SCAMP1: variants seen among roughly 807,000 people sequenced by gnomAD.
SCAMP1 encodes secretory carrier-associated membrane protein 1.
In SCAMP1, 15 loss-of-function variants were observed where a neutral mutation model predicts 41.8. The observed-to-expected ratio is 0.36, with a 90% confidence interval of 0.24 to 0.55. The LOEUF is 0.55. Ranked by LOEUF, SCAMP1 falls within the 20% of genes least tolerant of loss-of-function variation. The pLI is 0.86. For synonymous variants in SCAMP1, 135 were observed against 136.8 expected (o/e 0.99, Z 0.09); for missense variants, 341 against 412.6 (o/e 0.83, Z 1.50).
chr5:78,448,463 G>C (rs1753126079), intron 6 of SCAMP1, among the ~76,000 whole-genome samples: 1 of 151,820 alleles, frequency 6.6e-6, no homozygotes, highest in Admixed American at 6.6e-5. Context: ...AACGATAAAG[G>C]AAAAAGCAAT....
chr5:78,458,794 C>G (rs542976685), intron 7 of SCAMP1, among the ~76,000 whole-genome samples: 1 of 152,070 alleles, frequency 6.6e-6, no homozygotes, highest in African/African-American at 2.4e-5. Context: ...GTAGGAGAAT[C>G]GCTTGAACCC....
intron 2 of SCAMP1, among the ~76,000 whole-genome samples, chr5:78,397,184 A>C (rs1751673951): frequency 6.6e-6 from 1 of 152,226 alleles, no homozygotes. Context: ...TAAACACTTA[A>C]ATTTATGATC....
chr5:78,466,618 T>C (rs1229757558), intron 8 of SCAMP1, among the ~76,000 whole-genome samples: 1 of 152,128 alleles, frequency 6.6e-6, no homozygotes, highest in Non-Finnish European at 1.5e-5. Context: ...GTTGTTGGTA[T>C]TGGAAGATGA....
At chr5:78,427,421 G>C (rs1752494853) in intron 6 of SCAMP1, among the ~76,000 whole-genome samples, 1 of 152,044 alleles carries the variant, frequency 6.6e-6, no homozygotes, top group Non-Finnish European at 1.5e-5. Flanking sequence ...CTCCAACATT[G>C]GGAATCAGAT....
At chr5:78,461,793 G>C (rs1309850600) in intron 8 of SCAMP1, among the ~76,000 whole-genome samples, 1 of 151,948 alleles carries the variant, frequency 6.6e-6, no homozygotes, top group Non-Finnish European at 1.5e-5. Flanking sequence ...CTAACTCCTG[G>C]CCTCAAGTGA....
intron 2 of SCAMP1, among the ~76,000 whole-genome samples, chr5:78,401,631 T>C (rs1271361967): frequency 1.3e-5 from 2 of 152,176 alleles, no homozygotes; most frequent in Non-Finnish European, 2.9e-5. Context: ...TTATTTATAG[T>C]ATGTCTTGGT....
intron 6 of SCAMP1, among the ~76,000 whole-genome samples, chr5:78,422,387 C>A (rs1752359418): frequency 1.3e-5 from 2 of 151,612 alleles, no homozygotes; most frequent in African/African-American, 4.8e-5. Flanking sequence ...GCCATTTGCA[C>A]CTAGCAACTT....
At chr5:78,457,355 G>A (rs1206272483) in intron 7 of SCAMP1, among the ~76,000 whole-genome samples, 1 of 152,018 alleles carries the variant, frequency 6.6e-6, no homozygotes, top group Non-Finnish European at 1.5e-5. Flanking sequence ...ATGTACAGAT[G>A]GGTTTTTGGT....
intron 1 of SCAMP1, among the ~76,000 whole-genome samples, chr5:78,384,395 A>G (rs1751290985): frequency 6.6e-6 from 1 of 152,126 alleles, no homozygotes; most frequent in African/African-American, 2.4e-5. Flanking sequence ...TCATGTCATC[A>G]GCAAACAGCA....
intron 2 of SCAMP1, among the ~76,000 whole-genome samples, chr5:78,398,545 T>A (rs1370641000): frequency 0.07 from 3,267 of 46,656 alleles, 217 homozygotes; most frequent in African/African-American, 0.19. Context: ...TTCACTATTT[T>A]TTTTTTTTTT....
intron 7 of SCAMP1, among the ~76,000 whole-genome samples, chr5:78,452,595 A>T (rs979082057): frequency 3.4e-5 from 5 of 149,024 alleles, no homozygotes; most frequent in African/African-American, 2.5e-5. Context: ...TCATTGTTGG[A>T]CATTTGGGTT....
At chr5:78,384,633 A>G (rs976699889) in intron 1 of SCAMP1, among the ~76,000 whole-genome samples, 1 of 151,934 alleles carries the variant, frequency 6.6e-6, no homozygotes, top group African/African-American at 2.4e-5. Context: ...TGTCCCTTTT[A>G]TGCCGATTTT....
At chr5:78,446,696 AT>A (rs1430813097) in intron 6 of SCAMP1, among the ~76,000 whole-genome samples, 1 of 152,164 alleles carries the variant, frequency 6.6e-6, no homozygotes, top group Non-Finnish European at 1.5e-5. Context: ...AGCATTTTAT[AT>A]TGTAGATTTT....
intron 7 of SCAMP1, among the ~76,000 whole-genome samples, chr5:78,458,383 G>A (rs898750011): frequency 9.9e-5 from 15 of 152,020 alleles, no homozygotes; most frequent in African/African-American, 3.1e-4. Flanking sequence ...TCTCATTGTG[G>A]TTTTGAACAT....
chr5:78,399,621 A>G (rs537606779), intron 2 of SCAMP1, among the ~76,000 whole-genome samples: 4 of 152,110 alleles, frequency 2.6e-5, no homozygotes, highest in African/African-American at 7.2e-5. Context: ...TCTTTTATGA[A>G]GTTTCTGTTA....
intron 2 of SCAMP1, among the ~76,000 whole-genome samples, chr5:78,398,508 G>GCATAAGT (rs1751713423): frequency 6.8e-6 from 1 of 147,908 alleles, no homozygotes; most frequent in Non-Finnish European, 1.5e-5. Context: ...AGGATTACAG[G>GCATAAGT]CATAAGTCAC....
At chr5:78,427,583 T>A (rs184755615) in intron 6 of SCAMP1, among the ~76,000 whole-genome samples, 129 of 152,252 alleles carry the variant, frequency 8.5e-4, no homozygotes, top group African/African-American at 2.8e-3. Context: ...AACTTTTTTT[T>A]TAAAACGTGT....
intron 7 of SCAMP1, among the ~76,000 whole-genome samples, chr5:78,457,406 C>T (rs368353123): frequency 2.0e-5 from 3 of 151,976 alleles, no homozygotes; most frequent in African/African-American, 7.3e-5. Context: ...TTCTAACAGA[C>T]AGGACCCTCA....
intron 1 of SCAMP1, among the ~76,000 whole-genome samples, chr5:78,383,739 G>A (rs138069448): frequency 2.0e-5 from 3 of 151,966 alleles, no homozygotes; most frequent in Non-Finnish European, 4.4e-5. Flanking sequence ...ATCAGCTGAC[G>A]GTAAGTATTT....
Sources: allele counts gnomAD v4.1 joint callset (sites outside exome capture counted in the v4.1 genomes callset), GRCh38; gene constraint gnomAD v4.1.1; transcripts MANE v1.5; gene names NCBI Gene and HGNC (gene_info 2026-07-23, HGNC 2026-07-21).